RYR2: variants seen among roughly 807,000 people sequenced by gnomAD.
The protein encoded by RYR2 is cardiac muscle ryanodine receptor-calcium release channel.
RYR2 carries 227 observed loss-of-function variants against 601.1 expected under a neutral mutation model. The ratio of observed to expected loss-of-function variants is 0.38; its 90% CI spans 0.34 to 0.42. RYR2 has a LOEUF of 0.42. Among genes scored for constraint, RYR2 ranks in the 10% least tolerant of loss-of-function variants. RYR2 has a pLI of 1.00. For synonymous variants in RYR2, 2,223 were observed against 2,175.1 expected (o/e 1.02, Z -0.61); for missense variants, 4,646 against 6,156.5 (o/e 0.75, Z 8.21).
At chr1:237,655,457 A>G (rs1683153854) in intron 52 of RYR2, among the ~76,000 whole-genome samples, 1 of 152,152 alleles carries the variant, frequency 6.6e-6, no homozygotes, top group Admixed American at 6.5e-5. Context: ...AGTCATTATA[A>G]TGTACAGGAA....
chr1:237,641,863 T>A (rs1681590895), intron 47 of RYR2, among the ~76,000 whole-genome samples: 1 of 152,226 alleles, frequency 6.6e-6, no homozygotes, highest in South Asian at 2.1e-4. Flanking sequence ...TTTCTGAAAC[T>A]TTTTGACCCA....
intron 6 of RYR2, among the ~76,000 whole-genome samples, chr1:237,371,359 C>T (rs964546011): frequency 5.9e-5 from 9 of 151,748 alleles, no homozygotes; most frequent in South Asian, 2.1e-4. Context: ...GTCTCACCAT[C>T]TTTCCTAAGC....
chr1:237,549,942 A>G (rs1670213299), intron 26 of RYR2, among the ~76,000 whole-genome samples: 1 of 152,190 alleles, frequency 6.6e-6, no homozygotes, highest in Non-Finnish European at 1.5e-5. Flanking sequence ...GTGTCAACAC[A>G]TTTTAACCAC....
Position 237,821,603 on chromosome 1 carries a change from G to A in RYR2, c.14590+2411G>A, listed in dbSNP as rs554704307. The stretch of plus-strand genomic sequence containing the variant: ...AAAAAGACTGAAAATTCCAAAAACT[G>A]GAACACCTCCTCTCCTCCAAAGTAT... On this transcript the variant is annotated intron_variant, in intron 101 of 104. Coordinates refer to ENST00000366574, the MANE Select transcript of RYR2 (RefSeq NM_001035.3). Among the ~76,000 whole-genome samples, 375 of 152,068 alleles carry A rather than the reference G, an allele frequency of 2.5e-3. 3 individuals carry two copies. Among genetic ancestry groups the A allele is most frequent in the African/African-American group, 8.6e-3 (358 of 41,504 alleles).
intron 50 of RYR2, among the ~76,000 whole-genome samples, chr1:237,650,519 A>T (rs184679931): frequency 6.6e-6 from 1 of 152,368 alleles, no homozygotes; most frequent in Admixed American, 6.5e-5. Flanking sequence ...CATAATATTA[A>T]ACCATATTTA....
chr1:237,172,612 A>C (rs1031786426), intron 1 of RYR2, among the ~76,000 whole-genome samples: 1 of 152,166 alleles, frequency 6.6e-6, no homozygotes, highest in Non-Finnish European at 1.5e-5. Context: ...AAAGCAAGGA[A>C]ATCTTTTTAG....
chr1:237,613,187 T>C (rs1678074826), intron 36 of RYR2, among the ~76,000 whole-genome samples: 1 of 152,228 alleles, frequency 6.6e-6, no homozygotes, highest in Non-Finnish European at 1.5e-5. Flanking sequence ...TTTTAAAGTG[T>C]GCAATGGTGG....
At chr1:237,535,304 AAAG>A (rs1668495958) in intron 25 of RYR2, among the ~76,000 whole-genome samples, 1 of 152,054 alleles carries the variant, frequency 6.6e-6, no homozygotes, top group African/African-American at 2.4e-5. Context: ...GACAAAGGAA[AAAG>A]AAAAAACAAT....
At chr1:237,540,407 G>A (rs56897569) in intron 25 of RYR2, among the ~76,000 whole-genome samples, 3 of 152,248 alleles carry the variant, frequency 2.0e-5, no homozygotes, top group African/African-American at 7.2e-5. Context: ...GGCTGCTTGA[G>A]TGTTTAAAAG....
intron 1 of RYR2, among the ~76,000 whole-genome samples, chr1:237,257,714 T>C (rs1688128947): frequency 6.6e-6 from 1 of 151,208 alleles, no homozygotes; most frequent in Non-Finnish European, 1.5e-5. Flanking sequence ...AGTTATAGAG[T>C]GTGATGCATG....
chr1:237,673,100 G>C (rs1462952246), intron 58 of RYR2, among the ~76,000 whole-genome samples: 1 of 152,144 alleles, frequency 6.6e-6, no homozygotes, highest in Admixed American at 6.5e-5. Flanking sequence ...ATTTCATAGG[G>C]TTATGTTGTT....
At chr1:237,519,794 G>A (rs1666914767) in intron 24 of RYR2, among the ~76,000 whole-genome samples, 1 of 152,010 alleles carries the variant, frequency 6.6e-6, no homozygotes, top group Non-Finnish European at 1.5e-5. Context: ...TTTTAGGATT[G>A]TTTTTCCCTA....
intron 3 of RYR2, among the ~76,000 whole-genome samples, chr1:237,334,009 G>A (rs908439467): frequency 1.2e-4 from 18 of 151,840 alleles, no homozygotes; most frequent in East Asian, 3.9e-4. Context: ...AATTTCTTAC[G>A]TAATTCAGTA....
chr1:237,723,365 A>G (rs1689911806), intron 74 of RYR2, 103 bp downstream of exon 74: 2 of 775,908 alleles, frequency 2.6e-6, no homozygotes, highest in East Asian at 2.6e-5. Flanking sequence ...AGAAACATAT[A>G]TGTTCAGCAT....
chr1:237,590,152 T>G (rs1010629656), intron 30 of RYR2, among the ~76,000 whole-genome samples, 151 bp downstream of exon 30: 1 of 152,230 alleles, frequency 6.6e-6, no homozygotes, highest in African/African-American at 2.4e-5. Flanking sequence ...GCAAAGATGG[T>G]ACTTTCTACC....
chr1:237,326,092 TACAACTC>T (rs1696144165), intron 2 of RYR2, among the ~76,000 whole-genome samples: 4 of 152,170 alleles, frequency 2.6e-5, no homozygotes, highest in Non-Finnish European at 5.9e-5. Context: ...GTTAGGCAGA[TACAACTC>T]TGGAAGCCAA....
At chr1:237,207,574 A>T (rs1681958965) in intron 1 of RYR2, among the ~76,000 whole-genome samples, 1 of 152,176 alleles carries the variant, frequency 6.6e-6, no homozygotes, top group Admixed American at 6.5e-5. Flanking sequence ...TGCAGCCTTC[A>T]TCTTCTTTTG....
rs1483124656 is a variant in RYR2, at chr1:237,706,945, C to G, written c.9581-4C>G. On this transcript the variant is annotated splice_region_variant and splice_polypyrimidine_tract_variant and intron_variant, in intron 67 of 104. Coordinates refer to ENST00000366574, the MANE Select transcript of RYR2 (RefSeq NM_001035.3). Reference sequence around the variant, plus strand: ...ATCATCCATTTTTATATGTACTTCTCCAGCTCTCAGTTTGCCAACTAATGT... The same window carrying G: ...ATCATCCATTTTTATATGTACTTCTGCAGCTCTCAGTTTGCCAACTAATGT... 1.2e-6 allele frequency: 2 copies of G among 1,607,682 alleles called. No homozygotes were observed. The highest frequency in any genetic ancestry group is 1.3e-5 in the African/African-American group (1 of 74,810).
At chr1:237,198,198 T>A (rs1680772739) in intron 1 of RYR2, among the ~76,000 whole-genome samples, 1 of 152,194 alleles carries the variant, frequency 6.6e-6, no homozygotes, top group African/African-American at 2.4e-5. Flanking sequence ...CTGGTCAGAC[T>A]GCCTGAAAAT....
Sources: allele counts gnomAD v4.1 joint callset (sites outside exome capture counted in the v4.1 genomes callset), GRCh38; gene constraint gnomAD v4.1.1; transcripts MANE v1.5; gene names NCBI Gene and HGNC (gene_info 2026-07-23, HGNC 2026-07-21).